IRAK2: variants seen among roughly 807,000 people sequenced by gnomAD.
IRAK2 encodes interleukin-1 receptor-associated kinase-like 2.
Under a neutral mutation model 72.0 loss-of-function variants are expected in IRAK2, and 57 were observed. The observed-to-expected ratio is 0.79, with a 90% CI of 0.64 to 0.99. The LOEUF is 0.99. Ranked by LOEUF, IRAK2 falls within the 50% of genes least tolerant of loss-of-function variation. The probability of loss-of-function intolerance (pLI) is 0.00; values close to 1 mark genes in which losing one functional copy is unlikely to be tolerated. For synonymous variants in IRAK2, 293 were observed against 312.7 expected (o/e 0.94, Z 0.67); for missense variants, 790 against 794.4 (o/e 0.99, Z 0.07).
intron 3 of IRAK2, among the ~76,000 whole-genome samples, chr3:10,201,455 C>G (rs1473963150): frequency 2.0e-5 from 3 of 152,246 alleles, no homozygotes; most frequent in Non-Finnish European, 4.4e-5. Context: ...TTCCTCCCCT[C>G]CATCAGTCAC....
At chr3:10,230,943 G>A (rs1697851542) in intron 10 of IRAK2, among the ~76,000 whole-genome samples, 1 of 151,854 alleles carries the variant, frequency 6.6e-6, no homozygotes, top group Admixed American at 6.6e-5. Context: ...AATAGAGACA[G>A]GGTTTCACCA....
chr3:10,239,705 C>T (rs972901992), intron 12 of IRAK2, among the ~76,000 whole-genome samples: 3 of 151,614 alleles, frequency 2.0e-5, no homozygotes, highest in East Asian at 1.9e-4. Flanking sequence ...GCAGCCTGGG[C>T]GACAGAACAA....
chr3:10,201,617 G>A (rs530530819), intron 3 of IRAK2, among the ~76,000 whole-genome samples: 69 of 152,338 alleles, frequency 4.5e-4, no homozygotes, highest in African/African-American at 7.7e-4. Context: ...ATTTGTCTCC[G>A]TCGCCTGTGC....
At chr3:10,200,604 A>G (rs1392936770) in intron 3 of IRAK2, 89 bp downstream of exon 3, 1 of 1,202,456 alleles carries the variant, frequency 8.3e-7, no homozygotes, top group Non-Finnish European at 1.1e-6. Flanking sequence ...AGCATATAAG[A>G]GCAAAAAATT....
At chr3:10,190,634 T>TA (rs1298753292) in intron 2 of IRAK2, among the ~76,000 whole-genome samples, 1 of 151,984 alleles carries the variant, frequency 6.6e-6, no homozygotes, top group Non-Finnish European at 1.5e-5. Context: ...AGAGGAAGGG[T>TA]AAGAGCTAGG....
intron 3 of IRAK2, among the ~76,000 whole-genome samples, chr3:10,208,186 C>T (rs1414735467): frequency 6.6e-6 from 1 of 151,660 alleles, no homozygotes; most frequent in African/African-American, 2.4e-5. Flanking sequence ...GGCCAAGGCC[C>T]TTGGAAAAGT....
At chr3:10,229,081 G>A (rs1228280911) in intron 10 of IRAK2, among the ~76,000 whole-genome samples, 2 of 151,814 alleles carry the variant, frequency 1.3e-5, no homozygotes, top group African/African-American at 2.4e-5. Flanking sequence ...CTACAGGTGC[G>A]CATCACCACA....
chr3:10,166,658 T>C (rs1408180171), intron 1 of IRAK2, among the ~76,000 whole-genome samples: 1 of 152,206 alleles, frequency 6.6e-6, no homozygotes, highest in Non-Finnish European at 1.5e-5. Context: ...TTCATTTTTA[T>C]TTTTTTGAGA....
At chr3:10,230,965 C>A (rs1156867276) in intron 10 of IRAK2, among the ~76,000 whole-genome samples, 1 of 151,970 alleles carries the variant, frequency 6.6e-6, no homozygotes, top group Non-Finnish European at 1.5e-5. Context: ...GTTGGCCAGG[C>A]TGGTCTTGAA....
chr3:10,206,864 T>A (rs76257508), intron 3 of IRAK2, among the ~76,000 whole-genome samples: 3 of 98 alleles, frequency 0.031, no homozygotes, highest in Non-Finnish European at 0.079. Context: ...CAAAACAAAT[T>A]TTTTTTTTTT....
chr3:10,235,682 C>G (rs1218727555), intron 11 of IRAK2, among the ~76,000 whole-genome samples: 1 of 152,098 alleles, frequency 6.6e-6, no homozygotes, highest in Non-Finnish European at 1.5e-5. Context: ...GTATTGGGTT[C>G]TCTGGAAAGG....
At chr3:10,230,369 G>A (rs766402127) in intron 10 of IRAK2, among the ~76,000 whole-genome samples, 14 of 151,806 alleles carry the variant, frequency 9.2e-5, no homozygotes, top group Non-Finnish European at 1.5e-4. Flanking sequence ...ACGAAGGCTG[G>A]AGGAGTGCAG....
chr3:10,183,723 A>T (rs1301010828), intron 2 of IRAK2, among the ~76,000 whole-genome samples: 12 of 151,872 alleles, frequency 7.9e-5, no homozygotes, highest in Non-Finnish European at 1.0e-4. Flanking sequence ...CCGTCTCAAA[A>T]TAAATAAATA....
intron 8 of IRAK2, among the ~76,000 whole-genome samples, chr3:10,221,071 G>C (rs558967382): frequency 6.6e-6 from 1 of 151,410 alleles, no homozygotes; most frequent in Non-Finnish European, 1.5e-5. Context: ...GTGCATTTGC[G>C]GGCGTGCACA....
intron 4 of IRAK2, 99 bp from the exon 5 acceptor site, chr3:10,213,108 C>G: frequency 1.0e-6 from 1 of 977,432 alleles, no homozygotes; most frequent in Non-Finnish European, 1.5e-6. Flanking sequence ...ATAAGTTGAT[C>G]CCCTCCATCC....
intron 2 of IRAK2, among the ~76,000 whole-genome samples, chr3:10,181,222 T>C (rs1032887656): frequency 2.0e-5 from 3 of 152,092 alleles, no homozygotes; most frequent in African/African-American, 7.2e-5. Flanking sequence ...AACCCCTCCC[T>C]GCCCGGTGCT....
intron 2 of IRAK2, among the ~76,000 whole-genome samples, chr3:10,191,447 C>A (rs550563491): frequency 6.6e-6 from 1 of 152,304 alleles, no homozygotes; most frequent in South Asian, 2.1e-4. Context: ...TAAGGTTCTG[C>A]CTAACTGTGG....
At chr3:10,219,156 C>T (rs571389794) in intron 7 of IRAK2, among the ~76,000 whole-genome samples, 11 of 152,290 alleles carry the variant, frequency 7.2e-5, no homozygotes, top group Middle Eastern at 3.4e-3. Flanking sequence ...TATGATGCTG[C>T]ACTCCAGTCT....
chr3:10,213,656 CT>C (rs1697558309), intron 6 of IRAK2, 108 bp downstream of exon 6: 1 of 803,642 alleles, frequency 1.2e-6, no homozygotes, highest in African/African-American at 1.7e-5. Flanking sequence ...TCATTTAGTC[CT>C]TACAAGAACC....
Sources: allele counts gnomAD v4.1 joint callset (sites outside exome capture counted in the v4.1 genomes callset), GRCh38; gene constraint gnomAD v4.1.1; transcripts MANE v1.5; gene names NCBI Gene and HGNC (gene_info 2026-07-23, HGNC 2026-07-21).